The following SFXN1 variants were observed in gnomAD, a reference collection of about 807,000 sequenced individuals.
SFXN1 encodes the protein sideroflexin-1.
Under a neutral mutation model 39.5 loss-of-function variants are expected in SFXN1, and 32 were observed. The observed-to-expected ratio is 0.81, with a 90% confidence interval of 0.61 to 1.09. The LOEUF is 1.09. SFXN1 is among the 50% of genes least tolerant of loss of function. The pLI is 0.00. For missense variants in SFXN1, 402 were observed against 407.1 expected, an observed-to-expected ratio of 0.99 and a Z score of 0.11; for synonymous variants, 136 against 146.5, an observed-to-expected ratio of 0.93 and a Z score of 0.52.
At chr5:175,517,461 C>T (rs1272510711) in intron 8 of SFXN1, among the ~76,000 whole-genome samples, 1 of 152,114 alleles carries the variant, frequency 6.6e-6, no homozygotes, top group Non-Finnish European at 1.5e-5. Flanking sequence ...ATCAGGACAG[C>T]TCATGGCTCA....
At chr5:175,511,711 C>T in intron 5 of SFXN1, 185 bp downstream of exon 5, 1 of 605,482 alleles carries the variant, frequency 1.7e-6, no homozygotes, top group Non-Finnish European at 2.9e-6. Flanking sequence ...ACCAGTAACA[C>T]CTACCAGGAC....
At chr5:175,490,447 G>C (rs1403863014) in intron 1 of SFXN1, among the ~76,000 whole-genome samples, 1 of 152,152 alleles carries the variant, frequency 6.6e-6, no homozygotes, top group African/African-American at 2.4e-5. Flanking sequence ...TGTGGTCCAT[G>C]ATATGTGTTC....
chr5:175,484,692 G>A (rs1045806001), intron 1 of SFXN1, among the ~76,000 whole-genome samples: 2 of 152,228 alleles, frequency 1.3e-5, no homozygotes, highest in Non-Finnish European at 2.9e-5. Context: ...CCCAGGCCCC[G>A]TGCGTAAGGA....
At chr5:175,492,965 TA>T in intron 2 of SFXN1, among the ~76,000 whole-genome samples, 1 of 152,168 alleles carries the variant, frequency 6.6e-6, no homozygotes, top group Admixed American at 6.5e-5. Context: ...TAAAAAAATG[TA>T]AAAACCGCTG....
At chr5:175,501,062 GATT>G (rs1201897980) in intron 2 of SFXN1, among the ~76,000 whole-genome samples, 155 of 128,708 alleles carry the variant, frequency 1.2e-3, no homozygotes, top group African/African-American at 5.2e-3. Flanking sequence ...TATGGGCAAA[GATT>G]TTTTTTTTTT....
chr5:175,502,843 A>AAATAAT (rs569098543), intron 2 of SFXN1, among the ~76,000 whole-genome samples: 6 of 150,270 alleles, frequency 4.0e-5, no homozygotes, highest in East Asian at 3.9e-4. Context: ...CTCTATCTCA[A>AAATAAT]AATAATAATA....
intron 1 of SFXN1, among the ~76,000 whole-genome samples, chr5:175,483,435 AT>A (rs1759330363): frequency 6.6e-6 from 1 of 152,178 alleles, no homozygotes; most frequent in Non-Finnish European, 1.5e-5. Flanking sequence ...CATGAAAAAG[AT>A]TCTTAGAATT....
At chr5:175,492,820 A>G (rs1025431636) in intron 2 of SFXN1, among the ~76,000 whole-genome samples, 1 of 152,224 alleles carries the variant, frequency 6.6e-6, no homozygotes, top group African/African-American at 2.4e-5. Context: ...CTACCGGTGT[A>G]GAGATATTCC....
chr5:175,516,646 A>G lies in SFXN1; in HGVS notation c.757A>G (p.Lys253Glu), dbSNP rs1581320734. The G allele has an allele frequency of 6.2e-7, 1 of 1,613,390 alleles. No individual in the cohort carries two copies. Among genetic ancestry groups the G allele is most frequent in the African/African-American group, 1.3e-5 (1 of 75,036 alleles). The change falls in exon 8 of 11, where the codon AAG becomes GAG. Residue 253 changes from lysine to glutamate, a missense_variant. Lys to Glu is a moderately conservative substitution (Grantham distance 56). Coordinates refer to ENST00000321442, the MANE Select transcript of SFXN1 (RefSeq NM_022754.7). ...TCCATTCATTATGAACACTTTGGAA[A>G]AGAAAGCCTTTTTGAAGGTAAGCTG... ...IPPFIMNTLEKKAFLKRFPWM... is the reference protein window; with the variant it reads ...IPPFIMNTLEEKAFLKRFPWM...
At chr5:175,510,007 C>A in intron 3 of SFXN1, 102 bp from the exon 4 acceptor site, 1 of 885,520 alleles carries the variant, frequency 1.1e-6, no homozygotes. Context: ...TTTCTCCCTT[C>A]CCCAGTACGT....
At chr5:175,498,018 A>G (rs1239656489) in intron 2 of SFXN1, among the ~76,000 whole-genome samples, 2 of 151,856 alleles carry the variant, frequency 1.3e-5, no homozygotes, top group Non-Finnish European at 2.9e-5. Context: ...ATCTAATCAC[A>G]CTAGAATTTT....
rs1202618534 is a variant in SFXN1 at position 175,529,717 on chromosome 5, TTAAA to T, written c.*2988_*2991del. 1 of 152,216 alleles carries T rather than the reference TTAAA, an allele frequency of 6.6e-6. No homozygotes were observed. Among genetic ancestry groups the T allele is most frequent in the African/African-American group, 2.4e-5 (1 of 41,456 alleles). 9.4% of individuals were successfully genotyped at this position (152,216 alleles called of 1,614,324 possible). On this transcript the variant is annotated 3_prime_UTR_variant, in exon 11 of 11. Coordinates refer to ENST00000321442, the MANE Select transcript of SFXN1 (RefSeq NM_022754.7). ...TATTTCAGTTCAACTGGATGAAATG[TTAAA>T]TAAACTCAGAATGAAAATAAATTCT...
chr5:175,483,712 C>G (rs1364110946), intron 1 of SFXN1: 3 of 152,322 alleles, frequency 2.0e-5, no homozygotes, highest in Non-Finnish European at 2.9e-5. Context: ...CAGTAAGCGC[C>G]TCTTCCACAG....
At chr5:175,478,812 G>A (rs917408735) in intron 1 of SFXN1, 173 bp downstream of exon 1, 1 of 152,230 alleles carries the variant, frequency 6.6e-6, no homozygotes, top group South Asian at 2.1e-4. Context: ...TCGGGCCGGG[G>A]GGGGGGTCCC....
chr5:175,504,573 C>CA (rs531492337), intron 2 of SFXN1, among the ~76,000 whole-genome samples: 2,049 of 108,202 alleles, frequency 0.019, 29 homozygotes, highest in African/African-American at 0.055. Context: ...GACTCCATCT[C>CA]AAAAAAAAAA....
Position 175,516,659 on chromosome 5 carries a change from T to A in SFXN1, c.770T>A (p.Leu257Ter). 6.2e-7 allele frequency: 1 copy of A among 1,613,346 alleles called. No individual in the cohort carries two copies. Among genetic ancestry groups the A allele is most frequent in the South Asian group, 1.1e-5 (1 of 90,900 alleles). Residue 257 changes from leucine to a stop codon, truncating the protein, a stop_gained, in exon 8 of 11, where the codon TTG (leucine) becomes TAG (stop). Coordinates refer to ENST00000321442, the MANE Select transcript of SFXN1 (RefSeq NM_022754.7). LOFTEE classifies it high-confidence loss of function. ...AACACTTTGGAAAAGAAAGCCTTTT[T>A]GAAGGTAAGCTGTGGTTCTTTTGTC... ...IMNTLEKKAF[L>*]KRFPWMSAPI...
chr5:175,519,049 A>C (rs1049171135), intron 8 of SFXN1, among the ~76,000 whole-genome samples: 1 of 152,244 alleles, frequency 6.6e-6, no homozygotes, highest in Non-Finnish European at 1.5e-5. Flanking sequence ...AAGCTGGGCA[A>C]AAGGTTTGAA....
At position 175,498,669 on chromosome 5, in the gene SFXN1, A is replaced by T. The variant is rs543611112; in HGVS notation, c.164+6402A>T. Reference sequence around the variant, plus strand: ...CAAAATATATAACAAAAGGAGTAAGAAAGCTACCTAACAGAGAAATAGAAT... The same window carrying T: ...CAAAATATATAACAAAAGGAGTAAGTAAGCTACCTAACAGAGAAATAGAAT... On this transcript the variant is annotated intron_variant, in intron 2 of 10. Transcript: ENST00000321442. Among the ~76,000 whole-genome samples the T allele has an allele frequency of 2.0e-5, 3 of 152,352 alleles. No homozygotes were observed. In the South Asian group the frequency reaches 6.2e-4, roughly 32 times the overall value.
intron 2 of SFXN1, among the ~76,000 whole-genome samples, chr5:175,501,285 G>A (rs1053557835): frequency 2.6e-5 from 4 of 152,006 alleles, no homozygotes; most frequent in Non-Finnish European, 2.9e-5. Flanking sequence ...AGCCAGGATG[G>A]TCTCGATCTC....
Sources: gnomAD v4.1 joint callset for allele counts (sites outside exome capture counted in the v4.1 genomes callset) on GRCh38, gnomAD v4.1.1 for gene constraint, MANE v1.5 for transcripts, NCBI Gene and HGNC (gene_info 2026-07-23, HGNC 2026-07-21) for gene names.